The following ATP13A5 variants were observed in gnomAD, a reference collection of about 807,000 sequenced individuals.
The protein encoded by ATP13A5 is ATPase 13A5.
ATP13A5 carries 149 observed loss-of-function variants against 150.2 expected under a neutral mutation model. The ratio of observed to expected loss-of-function variants is 0.99; its 90% CI spans 0.87 to 1.14. The LOEUF (loss-of-function observed/expected upper bound fraction) is 1.14, where lower values mean the gene tolerates loss of function less well. ATP13A5 is among the 50% of genes most tolerant of loss of function. The pLI, the probability that ATP13A5 is intolerant of heterozygous loss-of-function variation, is 0.00. For synonymous variants in ATP13A5, 497 were observed against 522.2 expected, an observed-to-expected ratio of 0.95 and a Z score of 0.66; for missense variants, 1,383 against 1,449.3, an observed-to-expected ratio of 0.95 and a Z score of 0.74.
Position 193,319,108 on chromosome 3 carries a change from A to C in ATP13A5, c.1916T>G (p.Val639Gly), listed in dbSNP as rs1280312517. The C allele has an allele frequency of 6.2e-7, 1 of 1,612,046 alleles. No homozygotes were observed. The highest frequency in any genetic ancestry group is 1.3e-5 in the African/African-American group (1 of 74,890). ...CAGTTCCTGTGGGAAATTCTTGGGCACTGCCAGGGTAGAAGAAACAGGTAA... is the reference window on the plus strand; with the variant it reads ...CAGTTCCTGTGGGAAATTCTTGGGCCCTGCCAGGGTAGAAGAAACAGGTAA... ...MVARFCRSET[V>G]PKNFPQELRS... Residue 639 changes from valine to glycine, a missense_variant and splice_region_variant, in exon 17 of 30, where the codon GTG (valine) becomes GGG (glycine). By Grantham distance (109) the Val-to-Gly change is moderately radical. Around this residue, in one of 3 missense-constraint regions of ATP13A5, gnomAD observed 28 missense variants for 55.9 expected, o/e 0.50. Transcript: ENST00000342358.
chr3:193,331,033 G>T, intron 12 of ATP13A5, 90 bp downstream of exon 12: 1 of 1,346,012 alleles, frequency 7.4e-7, no homozygotes. Context: ...TGTAAAATGG[G>T]AACACTGGAC....
chr3:193,322,545 G>T lies in ATP13A5; in HGVS notation c.1704C>A (p.Cys568Ter), dbSNP rs1371370636. 6.2e-7 allele frequency: 1 copy of T among 1,613,620 alleles called. No homozygotes were observed. Among genetic ancestry groups the T allele is most frequent in the Non-Finnish European group, 8.5e-7 (1 of 1,179,672 alleles). The change falls in exon 15 of 30, where the codon TGC (cysteine) becomes TGA (stop). Residue 568 changes from cysteine (C) to a stop codon, truncating the protein, a stop_gained. Coordinates refer to ENST00000342358, the MANE Select transcript of ATP13A5 (RefSeq NM_198505.4). LOFTEE classifies it high-confidence loss of function. The part of the protein sequence containing the change: ...WKMEDCIVDS[C>*]KFGTSVSNII... ...TGTTTGAAACTGACGTCCCAAATTT[G>T]CAGGAGTCTACAATGCAATCTTCCA...
Position 193,285,095 on chromosome 3 carries a change from T to C in ATP13A5, c.3045A>G (p.Gln1015=). The change falls in exon 27 of 30, where the codon CAA becomes CAG. Residue 1015 remains glutamine, a synonymous_variant. Transcript: ENST00000342358. The stretch of plus-strand genomic sequence containing the variant: ...AACTCACATTTGTTGAAAAATTACT[T>C]TGGTTGGCCAGAAAACACTCACTAC... ...YQYSECFLAN[Q]SNFSTNVSLE... is the part of the protein sequence containing the mutation. 6.2e-7 allele frequency: 1 copy of C among 1,613,800 alleles called. No individual in the cohort carries two copies. The highest frequency in any genetic ancestry group is 8.5e-7 in the Non-Finnish European group (1 of 1,179,896).
At chr3:193,337,172 T>C (rs1322635703) in intron 9 of ATP13A5, among the ~76,000 whole-genome samples, 1 of 152,256 alleles carries the variant, frequency 6.6e-6, no homozygotes, top group Admixed American at 6.5e-5. Flanking sequence ...AAAAATTTTC[T>C]CCCATTCTCT....
rs1012355925 is a variant in ATP13A5, at chr3:193,314,847, G to A, written c.2158+125C>T. 5 of 1,255,598 alleles carry A rather than the reference G, an allele frequency of 4.0e-6. No homozygotes were observed. In the African/African-American group the frequency reaches 6.0e-5, roughly 15 times the overall value. The allele number at this position is 1,255,598 out of a possible 1,614,324, so 77.8% of individuals were successfully genotyped here. On this transcript the variant is annotated intron_variant, in intron 18 of 29. Coordinates refer to ENST00000342358, the MANE Select transcript of ATP13A5 (RefSeq NM_198505.4). ...CATGTTTTTAGGTAAGGGACTACAG[G>A]GTAACAAATTCGACAACAGAACATT...
At chr3:193,295,417 C>T (rs529365901) in intron 25 of ATP13A5, among the ~76,000 whole-genome samples, 79 of 152,174 alleles carry the variant, frequency 5.2e-4, no homozygotes, top group Admixed American at 2.0e-3. Context: ...TCCTCCTTAA[C>T]CCCAGATTAT....
intron 10 of ATP13A5, 41 bp downstream of exon 10, chr3:193,334,888 T>C: frequency 1.3e-6 from 2 of 1,580,770 alleles, no homozygotes; most frequent in Non-Finnish European, 1.7e-6. Context: ...TCTCCCCATG[T>C]TCAAGCATGA....
At chr3:193,298,059 T>C (rs550304543) in intron 25 of ATP13A5, among the ~76,000 whole-genome samples, 2 of 152,184 alleles carry the variant, frequency 1.3e-5, no homozygotes, top group East Asian at 3.9e-4. Context: ...ACCAGCATCA[T>C]TGTATCTGAT....
intron 5 of ATP13A5, among the ~76,000 whole-genome samples, chr3:193,361,992 C>T (rs1011237942): frequency 5.9e-5 from 9 of 152,172 alleles, no homozygotes; most frequent in African/African-American, 2.2e-4. Context: ...GCAAAATCCT[C>T]ATCTCCAGGG....
At chr3:193,282,135 C>A (rs1427660374) in intron 27 of ATP13A5, among the ~76,000 whole-genome samples, 1 of 151,872 alleles carries the variant, frequency 6.6e-6, no homozygotes, top group Admixed American at 6.6e-5. Context: ...GTGAAGGTTG[C>A]AGTGAGCCAA....
intron 23 of ATP13A5, among the ~76,000 whole-genome samples, chr3:193,303,898 CAT>C (rs1249015710): frequency 6.7e-6 from 1 of 150,058 alleles, no homozygotes; most frequent in African/African-American, 2.5e-5. Context: ...TATACATACA[CAT>C]ACACACACAC....
chr3:193,291,113 T>C (rs1414137905), intron 25 of ATP13A5, among the ~76,000 whole-genome samples: 1 of 152,160 alleles, frequency 6.6e-6, no homozygotes, highest in Non-Finnish European at 1.5e-5. Context: ...CAATATGTGT[T>C]CTGGGGTAAT....
rs976379411 is a variant in ATP13A5 at position 193,343,926 on chromosome 3, C to T, written c.943+1G>A. 1.9e-6 allele frequency: 3 copies of T among 1,612,070 alleles called. No homozygotes were observed. The highest frequency in any genetic ancestry group is 1.3e-5 in the African/African-American group (1 of 74,940). On this transcript the variant is annotated splice_donor_variant, in intron 9 of 29. Coordinates refer to ENST00000342358, the MANE Select transcript of ATP13A5 (RefSeq NM_198505.4). LOFTEE classifies it high-confidence loss of function. ...GAGGAAGCTCCATGACAACTGCCTA[C>T]CTGTAAGCATGCCTTCATTCACCAC...
chr3:193,294,847 C>T (rs796504981), intron 25 of ATP13A5, among the ~76,000 whole-genome samples: 2 of 152,128 alleles, frequency 1.3e-5, no homozygotes, highest in East Asian at 3.9e-4. Flanking sequence ...GCTCACAACG[C>T]TTAAGTAGGC....
At chr3:193,289,815 C>A (rs1260363076) in intron 26 of ATP13A5, 70 bp downstream of exon 26, 1 of 1,440,054 alleles carries the variant, frequency 6.9e-7, no homozygotes. Context: ...ATGTTCAAGC[C>A]AAGTTATGCA....
intron 9 of ATP13A5, among the ~76,000 whole-genome samples, chr3:193,335,961 G>T (rs1711842216): frequency 6.6e-6 from 1 of 152,052 alleles, no homozygotes; most frequent in Non-Finnish European, 1.5e-5. Flanking sequence ...ACATTTCAGA[G>T]ACAAAATAAA....
chr3:193,363,820 CCACTGCT>C (rs1713132646), intron 2 of ATP13A5, among the ~76,000 whole-genome samples: 1 of 152,148 alleles, frequency 6.6e-6, no homozygotes, highest in Admixed American at 6.5e-5. Context: ...ACACTGACAG[CCACTGCT>C]CATGTAATGG....
At chr3:193,291,243 T>C (rs1201797624) in intron 25 of ATP13A5, among the ~76,000 whole-genome samples, 2 of 152,120 alleles carry the variant, frequency 1.3e-5, no homozygotes, top group African/African-American at 2.4e-5. Flanking sequence ...TCTTTACCTA[T>C]ACCAGATCAA....
intron 21 of ATP13A5, among the ~76,000 whole-genome samples, chr3:193,309,147 A>G (rs1718739354): frequency 6.6e-6 from 1 of 152,154 alleles, no homozygotes; most frequent in Non-Finnish European, 1.5e-5. Context: ...TGGTCTCAAG[A>G]AGTACCATTT....
Sources: allele counts gnomAD v4.1 joint callset (sites outside exome capture counted in the v4.1 genomes callset), GRCh38; gene constraint gnomAD v4.1.1; regional missense constraint gnomAD v4.1.1; transcripts MANE v1.5; gene names NCBI Gene and HGNC (gene_info 2026-07-23, HGNC 2026-07-21).